PIEZO2: variants seen among roughly 807,000 people sequenced by gnomAD.
PIEZO2 encodes the protein piezo-type mechanosensitive ion channel component 2.
In PIEZO2, 172 loss-of-function variants were observed where a neutral mutation model predicts 337.3. That is an observed-to-expected ratio of 0.51 (90% CI 0.45 to 0.58). PIEZO2 has a LOEUF of 0.58. Among genes scored for constraint, PIEZO2 ranks in the 20% least tolerant of loss-of-function variants. The pLI is 0.00. For synonymous variants in PIEZO2, 1,251 were observed against 1,228.5 expected, an observed-to-expected ratio of 1.02 and a Z score of -0.38; for missense variants, 3,028 against 3,391.3, an observed-to-expected ratio of 0.89 and a Z score of 2.66.
At chr18:10,966,608 T>A (rs1377052424) in intron 3 of PIEZO2, among the ~76,000 whole-genome samples, 1 of 152,152 alleles carries the variant, frequency 6.6e-6, no homozygotes, top group Non-Finnish European at 1.5e-5. Flanking sequence ...GTTATTTTTT[T>A]AATTTAATTT....
chr18:10,960,320 C>G (rs960643533), intron 3 of PIEZO2, among the ~76,000 whole-genome samples: 1 of 152,052 alleles, frequency 6.6e-6, no homozygotes, highest in African/African-American at 2.4e-5. Context: ...CAATGTTTAT[C>G]TTTTTCAAGA....
At chr18:10,909,850 C>T (rs1439336499) in intron 4 of PIEZO2, among the ~76,000 whole-genome samples, 1 of 152,178 alleles carries the variant, frequency 6.6e-6, no homozygotes, top group African/African-American at 2.4e-5. Flanking sequence ...CTGACCACCC[C>T]AAATCAACTT....
In PIEZO2 at chr18:10,726,780, C is replaced by T; in HGVS notation, c.5029+4627G>A. 6.5e-7 allele frequency: 1 copy of T among 1,542,792 alleles called. No homozygotes were observed. The highest frequency in any genetic ancestry group is 8.9e-7 in the Non-Finnish European group (1 of 1,120,878). ...TGCTGACCTCACTGGGCAAGGTGTCCTATGAGGATGTGGACCACCTGCGGC... is the reference window on the plus strand; with the variant it reads ...TGCTGACCTCACTGGGCAAGGTGTCTTATGAGGATGTGGACCACCTGCGGC... On this transcript the variant is annotated intron_variant, in intron 36 of 55. Transcript: ENST00000674853. The surrounding 1 kb of genome is among the most constrained non-coding windows in gnomAD (Gnocchi z 5.9).
chr18:10,960,979 C>T (rs942311474), intron 3 of PIEZO2, among the ~76,000 whole-genome samples: 1 of 151,876 alleles, frequency 6.6e-6, no homozygotes. Flanking sequence ...GAGATCGAGA[C>T]CATCCTGGCT....
At chr18:11,091,759 A>G (rs1176566282) in intron 1 of PIEZO2, among the ~76,000 whole-genome samples, 3 of 152,160 alleles carry the variant, frequency 2.0e-5, no homozygotes, top group Non-Finnish European at 4.4e-5. Context: ...TTTATTGGAA[A>G]TATGTTCTCT....
chr18:11,123,809 C>CAA (rs11437477), intron 1 of PIEZO2, among the ~76,000 whole-genome samples: 38 of 135,020 alleles, frequency 2.8e-4, no homozygotes, highest in African/African-American at 6.2e-4. Context: ...GACTCCGTCT[C>CAA]AAAAAAAAAA....
At chr18:11,015,211 G>T (rs1377546518) in intron 2 of PIEZO2, among the ~76,000 whole-genome samples, 1 of 135,116 alleles carries the variant, frequency 7.4e-6, no homozygotes, top group Non-Finnish European at 1.6e-5. Flanking sequence ...CAGCAATCCG[G>T]GGCCCCCCTC....
At chr18:11,130,719 T>G (rs1320538471) in intron 1 of PIEZO2, among the ~76,000 whole-genome samples, 2 of 152,224 alleles carry the variant, frequency 1.3e-5, no homozygotes, top group African/African-American at 4.8e-5. Context: ...GTCTAGATAT[T>G]CCTTCTAAGG....
chr18:10,699,284 A>T, intron 43 of PIEZO2, 107 bp from the exon 44 acceptor site: 1 of 1,431,508 alleles, frequency 7.0e-7, no homozygotes, highest in Non-Finnish European at 9.4e-7. Context: ...AGATTAGAAA[A>T]GCAAGATGAT....
At chr18:11,046,282 A>C (rs570339038) in intron 2 of PIEZO2, among the ~76,000 whole-genome samples, 1 of 152,250 alleles carries the variant, frequency 6.6e-6, no homozygotes, top group South Asian at 2.1e-4. Flanking sequence ...CTATTCAAAG[A>C]CAGATGCAGC....
At position 10,898,324 on chromosome 18, in the gene PIEZO2, G is replaced by C. The variant is rs1014489271; in HGVS notation, c.329+12862C>G. ...TAGTCCCAGCTACTCGGGAGGCTGAGGGGGGAGAATGGCGTGAACCCAGGA... is the reference window on the plus strand; with the variant it reads ...TAGTCCCAGCTACTCGGGAGGCTGACGGGGGAGAATGGCGTGAACCCAGGA... On this transcript the variant is annotated intron_variant, in intron 4 of 55. Transcript: ENST00000674853. Among the ~76,000 whole-genome samples the C allele has an allele frequency of 9.8e-5, 15 of 152,290 alleles. No homozygotes were observed. The East Asian group carries it at 1.7e-3, about 18-fold the overall frequency.
rs116288373 is a variant in PIEZO2, at chr18:10,899,720, G to A, written c.329+11466C>T. Among the ~76,000 whole-genome samples, 7 of 152,192 alleles carry A rather than the reference G, an allele frequency of 4.6e-5. No individual in the cohort carries two copies. Among genetic ancestry groups the A allele is most frequent in the African/African-American group, 1.7e-4 (7 of 41,524 alleles). ...TTTCCTGTCTACTGTTCATCATGCT[G>A]TCTACACCAAGACTTGAAATGTTTC... On this transcript the variant is annotated intron_variant, in intron 4 of 55. Transcript: ENST00000674853. This position sits in a 1 kb window ranked among gnomAD's most constrained non-coding sequence, Gnocchi z 4.6.
At chr18:10,810,741 T>C (rs975741629) in intron 7 of PIEZO2, among the ~76,000 whole-genome samples, 2 of 152,154 alleles carry the variant, frequency 1.3e-5, no homozygotes, top group South Asian at 2.1e-4. Context: ...AAATCAAGAA[T>C]TGGGGGTATA....
At chr18:10,849,474 G>C (rs7244914) in intron 7 of PIEZO2, among the ~76,000 whole-genome samples, 51,386 of 152,056 alleles carry the variant, frequency 0.34, 9,647 homozygotes, top group African/African-American at 0.52. Context: ...AGAGGCCACA[G>C]ATTCCCAGTA....
intron 3 of PIEZO2, among the ~76,000 whole-genome samples, chr18:10,937,208 GTGAA>G (rs1439102513): frequency 6.6e-6 from 1 of 152,200 alleles, no homozygotes; most frequent in Non-Finnish European, 1.5e-5. Flanking sequence ...GAACTACTAT[GTGAA>G]TGAATGAAGA....
In PIEZO2 at chr18:10,762,913, G is replaced by T. The variant is rs184076139; in HGVS notation, c.3123+9C>A. The T allele has an allele frequency of 6.5e-7, 1 of 1,535,736 alleles. No homozygotes were observed. Among genetic ancestry groups the T allele is most frequent in the Non-Finnish European group, 8.7e-7 (1 of 1,146,126 alleles). ...CAGTCAGGAATATTCCCCCATCACC[G>T]AGGCTCACCAAGGAACAGTTAACAG... On this transcript the variant is annotated intron_variant, in intron 22 of 55. Coordinates refer to ENST00000674853, the MANE Select transcript of PIEZO2 (RefSeq NM_001378183.1).
rs766374852 is a variant in PIEZO2 at position 10,675,044 on chromosome 18, T to TGAC, written c.8161+162_8161+164dup. ...AGAATGTGGGTCCCAGGTGAGTGAGTGACTCCTTTGGGCTAGTGAAGGCTG... is the reference window on the plus strand; with the variant it reads ...AGAATGTGGGTCCCAGGTGAGTGAGTGACGACTCCTTTGGGCTAGTGAAGGCTG... On this transcript the variant is annotated intron_variant, in intron 54 of 55. Transcript: ENST00000674853. 2.6e-5 allele frequency among the ~76,000 whole-genome samples: 4 copies of TGAC among 152,322 alleles called. No individual in the cohort carries two copies. In the South Asian group the frequency reaches 8.3e-4, roughly 32 times the overall value.
chr18:10,818,326 C>T (rs1201846504), intron 7 of PIEZO2, among the ~76,000 whole-genome samples: 6 of 152,112 alleles, frequency 3.9e-5, no homozygotes, highest in Non-Finnish European at 1.5e-5. Context: ...CAATAAGAAA[C>T]TAATAAGAAG....
At chr18:10,914,774 T>C (rs1441316174) in intron 3 of PIEZO2, among the ~76,000 whole-genome samples, 1 of 152,086 alleles carries the variant, frequency 6.6e-6, no homozygotes, top group Admixed American at 6.6e-5. Context: ...AGATCCAGTA[T>C]CCGGTCAACA....
Sources: gnomAD v4.1 joint callset for allele counts (sites outside exome capture counted in the v4.1 genomes callset) on GRCh38, gnomAD v4.1.1 for gene constraint, Gnocchi (gnomAD v3.1) non-coding constraint, MANE v1.5 for transcripts, NCBI Gene and HGNC (gene_info 2026-07-23, HGNC 2026-07-21) for gene names.